The following B3GALT1 variants were observed in gnomAD, a reference collection of about 807,000 sequenced individuals.
B3GALT1 encodes the protein beta-1,3-galactosyltransferase 1.
A neutral mutation model predicts 23.2 loss-of-function variants in B3GALT1; 10 were observed. The observed-to-expected ratio is 0.43, with a 90% confidence interval of 0.27 to 0.73. The LOEUF (loss-of-function observed/expected upper bound fraction) is 0.73, where lower values mean the gene tolerates loss of function less well. Among genes scored for constraint, B3GALT1 ranks in the 30% least tolerant of loss-of-function variants. The pLI is 0.21. For missense variants in B3GALT1, 299 were observed against 405.4 expected (o/e 0.74, Z 2.25); for synonymous variants, 156 against 141.5 (o/e 1.10, Z -0.73).
chr2:167,649,676 C>T (rs1040620592), intron 3 of B3GALT1, among the ~76,000 whole-genome samples: 3 of 151,924 alleles, frequency 2.0e-5, no homozygotes, highest in Non-Finnish European at 2.9e-5. Context: ...TATATGGATA[C>T]GCTACACTAG....
At chr2:167,483,994 C>T (rs1224143652) in intron 1 of B3GALT1, among the ~76,000 whole-genome samples, 1 of 152,148 alleles carries the variant, frequency 6.6e-6, no homozygotes, top group African/African-American at 2.4e-5. Flanking sequence ...AAGAACTGAC[C>T]TCTAGCCACA....
At chr2:167,613,488 T>C (rs1165979951) in intron 2 of B3GALT1, among the ~76,000 whole-genome samples, 4 of 151,484 alleles carry the variant, frequency 2.6e-5, no homozygotes, top group Admixed American at 6.6e-5. Flanking sequence ...AAACAAAACA[T>C]ATGAAAACCC....
At chr2:167,447,777 A>C (rs1003743056) in intron 1 of B3GALT1, among the ~76,000 whole-genome samples, 2 of 152,116 alleles carry the variant, frequency 1.3e-5, no homozygotes, top group African/African-American at 4.8e-5. Context: ...TCCCTTGTCT[A>C]GGAAATGGAA....
intron 2 of B3GALT1, among the ~76,000 whole-genome samples, chr2:167,604,834 A>G (rs1457614356): frequency 6.6e-6 from 1 of 152,248 alleles, no homozygotes; most frequent in Non-Finnish European, 1.5e-5. Context: ...GGAAGCAAAT[A>G]GAATATAAAT....
chr2:167,495,254 T>C (rs1171204910), intron 2 of B3GALT1, among the ~76,000 whole-genome samples: 1 of 150,772 alleles, frequency 6.6e-6, no homozygotes. Context: ...GATGAGAAAG[T>C]GAAACTTTGA....
intron 4 of B3GALT1, among the ~76,000 whole-genome samples, chr2:167,853,813 T>C (rs1467374972): frequency 6.6e-6 from 1 of 152,206 alleles, no homozygotes; most frequent in African/African-American, 2.4e-5. Flanking sequence ...TGGCCTACTT[T>C]AAAATGAAGA....
At chr2:167,356,814 C>T (rs905526960) in intron 1 of B3GALT1, among the ~76,000 whole-genome samples, 2 of 151,770 alleles carry the variant, frequency 1.3e-5, no homozygotes, top group African/African-American at 4.8e-5. Context: ...TATATTTAGA[C>T]AGCAACATAT....
Position 167,629,568 on chromosome 2 carries a change from A to G in B3GALT1, c.-409-17341A>G, listed in dbSNP as rs143106636. On this transcript the variant is annotated intron_variant, in intron 2 of 4. Transcript: ENST00000392690. ...CTGTCATAATTTTATTGCTCTAACT[A>G]TATAATATCCTCTGAACCTCTGAAC... is the stretch of plus-strand genomic sequence containing the variant. 6.1e-4 allele frequency among the ~76,000 whole-genome samples: 92 copies of G among 151,830 alleles called. 1 individual carries two copies. The East Asian group carries it at 0.017, about 28-fold the overall frequency.
chr2:167,708,759 C>G (rs1687006757), intron 3 of B3GALT1, among the ~76,000 whole-genome samples: 1 of 152,182 alleles, frequency 6.6e-6, no homozygotes, highest in Non-Finnish European at 1.5e-5. Context: ...CTCTAGCTCT[C>G]CCATTGTATA....
At chr2:167,468,658 G>A (rs544901411) in intron 1 of B3GALT1, among the ~76,000 whole-genome samples, 9 of 152,156 alleles carry the variant, frequency 5.9e-5, no homozygotes, top group African/African-American at 2.2e-4. Flanking sequence ...GATCACCTGA[G>A]GTCAGGCGTT....
chr2:167,649,340 T>G (rs1685817457), intron 3 of B3GALT1, among the ~76,000 whole-genome samples: 1 of 152,088 alleles, frequency 6.6e-6, no homozygotes, highest in Non-Finnish European at 1.5e-5. Flanking sequence ...CATTTTAAAG[T>G]GTATAATTTA....
At chr2:167,549,448 A>G (rs1683706568) in intron 2 of B3GALT1, among the ~76,000 whole-genome samples, 1 of 152,232 alleles carries the variant, frequency 6.6e-6, no homozygotes, top group African/African-American at 2.4e-5. Flanking sequence ...GGCATACTTC[A>G]GACGAGTTCC....
At chr2:167,355,544 T>A (rs936497588) in intron 1 of B3GALT1, among the ~76,000 whole-genome samples, 2 of 152,152 alleles carry the variant, frequency 1.3e-5, no homozygotes, top group Non-Finnish European at 2.9e-5. Flanking sequence ...GAATCTGAAC[T>A]ATCTAGGCTA....
intron 3 of B3GALT1, among the ~76,000 whole-genome samples, chr2:167,806,071 T>G (rs1216886000): frequency 3.9e-5 from 6 of 152,190 alleles, no homozygotes; most frequent in African/African-American, 1.4e-4. Flanking sequence ...TTCCTAGGTA[T>G]TTTATTCTCT....
chr2:167,689,357 T>C (rs1210701811), intron 3 of B3GALT1, among the ~76,000 whole-genome samples: 3 of 151,714 alleles, frequency 2.0e-5, no homozygotes, highest in Admixed American at 2.0e-4. Context: ...CATTCTCAGA[T>C]CAAGAAAATT....
chr2:167,745,270 C>T (rs1252260623), intron 3 of B3GALT1, among the ~76,000 whole-genome samples: 2 of 152,040 alleles, frequency 1.3e-5, no homozygotes, highest in Non-Finnish European at 2.9e-5. Flanking sequence ...TAGATTGTTG[C>T]TCACCCCCTC....
intron 4 of B3GALT1, among the ~76,000 whole-genome samples, chr2:167,857,115 T>A (rs1690013972): frequency 6.6e-6 from 1 of 152,136 alleles, no homozygotes; most frequent in Non-Finnish European, 1.5e-5. Flanking sequence ...GACAACCCTA[T>A]GCTTTGTCCA....
At chr2:167,376,078 G>T (rs1183798032) in intron 1 of B3GALT1, among the ~76,000 whole-genome samples, 1 of 152,102 alleles carries the variant, frequency 6.6e-6, no homozygotes, top group African/African-American at 2.4e-5. Flanking sequence ...CTGTTGGGAT[G>T]ATCATATGTT....
chr2:167,871,767 AAGC>A lies in B3GALT1; in HGVS notation c.*1753_*1755del, dbSNP rs1441662151. Reference sequence around the variant, plus strand: ...GGTAAAGCTAGTTCACCTCTTTCAGAAGCAGCAGAATAGGCAGTCAGCAAACCT... The same window carrying A: ...GGTAAAGCTAGTTCACCTCTTTCAGAAGCAGAATAGGCAGTCAGCAAACCT... On this transcript the variant is annotated 3_prime_UTR_variant, in exon 5 of 5. Transcript: ENST00000392690. 1.3e-5 allele frequency: 2 copies of A among 152,210 alleles called. No homozygotes were observed. Among genetic ancestry groups the A allele is most frequent in the Non-Finnish European group, 2.9e-5 (2 of 68,054 alleles). The allele number at this position is 152,210 out of a possible 1,614,324, so 9.4% of individuals were successfully genotyped here. A position where few individuals can be genotyped will look rare whatever the true frequency, so the allele number is the denominator to read the frequency against.
Sources: gnomAD v4.1 joint callset for allele counts (sites outside exome capture counted in the v4.1 genomes callset) on GRCh38, gnomAD v4.1.1 for gene constraint, MANE v1.5 for transcripts, NCBI Gene and HGNC (gene_info 2026-07-23, HGNC 2026-07-21) for gene names.